GRM1: variants seen among roughly 807,000 people sequenced by gnomAD.
GRM1 encodes glutamate metabotropic receptor 1.
Under a neutral mutation model 90.9 loss-of-function variants are expected in GRM1, and 33 were observed. The ratio of observed to expected loss-of-function variants is 0.36; its 90% CI spans 0.28 to 0.49. GRM1 has a LOEUF of 0.49. GRM1 is among the 20% of genes least tolerant of loss of function. The probability of loss-of-function intolerance (pLI) is 0.99; values close to 1 mark genes in which losing one functional copy is unlikely to be tolerated. For synonymous variants in GRM1, 700 were observed against 613.2 expected, an observed-to-expected ratio of 1.14 and a Z score of -2.09; for missense variants, 1,190 against 1,534.3, an observed-to-expected ratio of 0.78 and a Z score of 3.75.
intron 2 of GRM1, among the ~76,000 whole-genome samples, chr6:146,215,896 A>G (rs1779854811): frequency 6.6e-6 from 1 of 151,864 alleles, no homozygotes; most frequent in East Asian, 1.9e-4. Flanking sequence ...AGCTGGGACT[A>G]CAGGTGCCTG....
intron 3 of GRM1, among the ~76,000 whole-genome samples, chr6:146,329,952 T>C (rs1784530723): frequency 6.6e-6 from 1 of 152,342 alleles, no homozygotes; most frequent in Admixed American, 6.5e-5. Flanking sequence ...AACTGTTGTA[T>C]GTCGGGGACT....
rs141287468 is a variant in GRM1, at chr6:146,386,931, G to A, written c.1644G>A (p.Thr548=). The A allele has an allele frequency of 2.9e-5, 47 of 1,610,650 alleles. No individual in the cohort carries two copies. In the African/African-American group the frequency reaches 3.1e-4, roughly 11 times the overall value. The change falls in exon 6 of 8, where the codon ACG becomes ACA. Residue 548 remains threonine (T), a synonymous_variant. Coordinates refer to ENST00000282753, the MANE Select transcript of GRM1 (RefSeq NM_001278064.2). The part of the protein sequence containing the change: ...KGEVSCCWIC[T]ACKENEYVQD... ...AAGTGAGCTGCTGCTGGATTTGCAC[G>A]GCCTGCAAAGAGAATGAATATGTGC...
chr6:146,212,454 G>A (rs1456031067), intron 2 of GRM1, among the ~76,000 whole-genome samples: 1 of 152,106 alleles, frequency 6.6e-6, no homozygotes, highest in African/African-American at 2.4e-5. Context: ...ACGCGGGTTG[G>A]GTTTTCATCT....
At chr6:146,351,230 A>G (rs560875825) in intron 3 of GRM1, among the ~76,000 whole-genome samples, 14 of 152,268 alleles carry the variant, frequency 9.2e-5, no homozygotes, top group African/African-American at 3.1e-4. Context: ...TATGCAGCTA[A>G]ATTGCTGACT....
Position 146,203,055 on chromosome 6 carries a change from G to T in GRM1, c.950+43458G>T, listed in dbSNP as rs981226987. 2.0e-5 allele frequency among the ~76,000 whole-genome samples: 3 copies of T among 151,936 alleles called. No homozygotes were observed. The East Asian group carries it at 5.8e-4, about 29-fold the overall frequency. ...TAAAAATACAAAAAATTAGCCGGGC[G>T]TGGTGCCGGGCGCCTGTAGTCCCAG... is the stretch of plus-strand genomic sequence containing the variant. On this transcript the variant is annotated intron_variant, in intron 2 of 7. Transcript: ENST00000282753.
At chr6:146,223,933 G>A (rs895196990) in intron 2 of GRM1, among the ~76,000 whole-genome samples, 3 of 151,850 alleles carry the variant, frequency 2.0e-5, no homozygotes, top group African/African-American at 7.3e-5. Flanking sequence ...TATTAACATT[G>A]TTCCTTAGAG....
At chr6:146,115,738 G>C (rs1282437440) in intron 1 of GRM1, among the ~76,000 whole-genome samples, 2 of 152,074 alleles carry the variant, frequency 1.3e-5, no homozygotes, top group Non-Finnish European at 2.9e-5. Context: ...TGATTTATTA[G>C]AAAAGCTATT....
intron 2 of GRM1, among the ~76,000 whole-genome samples, chr6:146,280,345 T>C (rs1349339758): frequency 1.3e-4 from 20 of 152,178 alleles, no homozygotes; most frequent in Admixed American, 1.3e-3. Context: ...TTTGTCAAGT[T>C]TTAGTGTTAT....
At chr6:146,380,795 G>A (rs6570763) in intron 5 of GRM1, among the ~76,000 whole-genome samples, 36,151 of 151,858 alleles carry the variant, frequency 0.24, 4,876 homozygotes, top group Middle Eastern at 0.32. Context: ...GTGTATCACT[G>A]TTGGTTATAC....
chr6:146,047,607 G>T (rs1023364599), intron 1 of GRM1, among the ~76,000 whole-genome samples: 1 of 148,502 alleles, frequency 6.7e-6, no homozygotes, highest in Non-Finnish European at 1.5e-5. Context: ...CAGGAGCAAC[G>T]CCTTCTTCTT....
chr6:146,067,502 A>G (rs1775886864), intron 1 of GRM1, among the ~76,000 whole-genome samples: 1 of 152,146 alleles, frequency 6.6e-6, no homozygotes, highest in South Asian at 2.1e-4. Context: ...TTGGAATGGA[A>G]TAGGACAGTT....
chr6:146,229,695 T>G (rs1258610152), intron 2 of GRM1, among the ~76,000 whole-genome samples: 2 of 152,172 alleles, frequency 1.3e-5, no homozygotes, highest in East Asian at 3.8e-4. Flanking sequence ...CTACATTATA[T>G]TCTTCAAAAA....
At chr6:146,076,553 C>T (rs967694195) in intron 1 of GRM1, among the ~76,000 whole-genome samples, 7 of 152,098 alleles carry the variant, frequency 4.6e-5, no homozygotes, top group African/African-American at 1.7e-4. Context: ...AGAAGGGAGT[C>T]AAGGGTGAAT....
At chr6:146,152,911 A>G (rs552261543) in intron 1 of GRM1, among the ~76,000 whole-genome samples, 2 of 152,306 alleles carry the variant, frequency 1.3e-5, no homozygotes, top group East Asian at 3.9e-4. Context: ...TATATTCACA[A>G]CTTTCTTTCA....
intron 2 of GRM1, among the ~76,000 whole-genome samples, chr6:146,195,851 A>G (rs1461050493): frequency 6.6e-6 from 1 of 152,206 alleles, no homozygotes; most frequent in Admixed American, 6.5e-5. Flanking sequence ...TTTGTTTCAT[A>G]CAGTAGGAAC....
intron 5 of GRM1, among the ~76,000 whole-genome samples, chr6:146,384,303 C>T (rs763827813): frequency 2.7e-4 from 41 of 152,014 alleles, no homozygotes; most frequent in Non-Finnish European, 5.4e-4. Context: ...AGTTGGATTC[C>T]CAGAGCTGAC....
At position 146,083,803 on chromosome 6, in the gene GRM1, G is replaced by C. The variant is rs941649459; in HGVS notation, c.700+53586G>C. 4.6e-5 allele frequency among the ~76,000 whole-genome samples: 7 copies of C among 152,166 alleles called. 1 individual carries two copies. Among genetic ancestry groups the C allele is most frequent in the Admixed American group, 1.3e-4 (2 of 15,272 alleles). Reference sequence around the variant, plus strand: ...CAATTGTTTGGAATAGTTTCAGAGGGAATGGTACTAGCTCCACTTTGTACC... The same window carrying C: ...CAATTGTTTGGAATAGTTTCAGAGGCAATGGTACTAGCTCCACTTTGTACC... On this transcript the variant is annotated intron_variant, in intron 1 of 7. Coordinates refer to ENST00000282753, the MANE Select transcript of GRM1 (RefSeq NM_001278064.2).
intron 3 of GRM1, among the ~76,000 whole-genome samples, chr6:146,323,929 C>T (rs946776148): frequency 3.9e-5 from 6 of 152,144 alleles, no homozygotes; most frequent in Non-Finnish European, 7.3e-5. Flanking sequence ...TCTGAGGGCT[C>T]TGTTCTGTTC....
chr6:146,397,552 C>G (rs1001168442), intron 6 of GRM1, among the ~76,000 whole-genome samples: 1 of 147,588 alleles, frequency 6.8e-6, no homozygotes, highest in African/African-American at 2.5e-5. Flanking sequence ...GATAGTTATG[C>G]TAGGCAGATA....
Sources: gnomAD v4.1 joint callset for allele counts (sites outside exome capture counted in the v4.1 genomes callset) on GRCh38, gnomAD v4.1.1 for gene constraint, MANE v1.5 for transcripts, NCBI Gene and HGNC (gene_info 2026-07-23, HGNC 2026-07-21) for gene names.